EP400: variants seen among roughly 807,000 people sequenced by gnomAD.
The protein encoded by EP400 is E1A binding protein p400.
A neutral mutation model predicts 354.1 loss-of-function variants in EP400; 105 were observed. That is an observed-to-expected ratio of 0.30 (90% CI 0.25 to 0.35). The LOEUF (loss-of-function observed/expected upper bound fraction) is 0.35, where lower values mean the gene tolerates loss of function less well. Among genes scored for constraint, EP400 ranks in the 10% least tolerant of loss-of-function variants. The probability of loss-of-function intolerance (pLI) is 1.00; values close to 1 mark genes in which losing one functional copy is unlikely to be tolerated. For synonymous variants in EP400, 1,646 were observed against 1,716.9 expected (o/e 0.96, Z 1.02); for missense variants, 3,280 against 4,121.0 (o/e 0.80, Z 5.59).
In EP400 at chr12:132,020,037, A is replaced by G; in HGVS notation, c.4278-12A>G. Reference sequence around the variant, plus strand: ...GCTCTGTATCTTCTTGCCTGGACCAATGGGCATCTAGGTTGTTTCAGCCTG... The same window carrying G: ...GCTCTGTATCTTCTTGCCTGGACCAGTGGGCATCTAGGTTGTTTCAGCCTG... On this transcript the variant is annotated splice_polypyrimidine_tract_variant and intron_variant, in intron 21 of 52. Coordinates refer to ENST00000389561, the MANE Select transcript of EP400 (RefSeq NM_015409.5). 6.6e-7 allele frequency: 1 copy of G among 1,517,828 alleles called. No individual in the cohort carries two copies. Among genetic ancestry groups the G allele is most frequent in the Non-Finnish European group, 8.8e-7 (1 of 1,130,174 alleles). 94.0% of individuals were successfully genotyped at this position (1,517,828 alleles called of 1,614,324 possible).
rs763171940 is a variant in EP400, at chr12:132,075,368, C to A, written c.9022-1148C>A. On this transcript the variant is annotated intron_variant, in intron 51 of 52. Coordinates refer to ENST00000389561, the MANE Select transcript of EP400 (RefSeq NM_015409.5). This position sits in a 1 kb window ranked among gnomAD's most constrained non-coding sequence, Gnocchi z 4.5. ...TTTCTGCTCCGTGACTCGTGATGCC[C>A]GCCTGTGCTTAGGTTTGGAGACTGG... Among the ~76,000 whole-genome samples the A allele has an allele frequency of 6.6e-6, 1 of 152,154 alleles. No individual in the cohort carries two copies. Among genetic ancestry groups the A allele is most frequent in the East Asian group, 1.9e-4 (1 of 5,184 alleles).
At position 132,050,576 on chromosome 12, in the gene EP400, C is replaced by A; in HGVS notation, c.7338-23C>A. 2 of 1,614,026 alleles carry A rather than the reference C, an allele frequency of 1.2e-6. No homozygotes were observed. Among genetic ancestry groups the A allele is most frequent in the Non-Finnish European group, 1.7e-6 (2 of 1,179,918 alleles). ...AGATATTTCCTTTATTTAATAATTG[C>A]TGTCTCACTGTCTATACTTCAGGCT... On this transcript the variant is annotated intron_variant, in intron 40 of 52. Coordinates refer to ENST00000389561, the MANE Select transcript of EP400 (RefSeq NM_015409.5). This position sits in a 1 kb window ranked among gnomAD's most constrained non-coding sequence, Gnocchi z 4.8.
chr12:131,960,200 C>T (rs942775607), intron 1 of EP400, among the ~76,000 whole-genome samples: 16 of 152,224 alleles, frequency 1.1e-4, no homozygotes, highest in African/African-American at 3.6e-4. Context: ...GAACAGCTCA[C>T]AGATACTCCT....
Position 132,027,221 on chromosome 12 carries a change from G to C in EP400, c.5015-216G>C, listed in dbSNP as rs901284204. On this transcript the variant is annotated intron_variant, in intron 25 of 52. Coordinates refer to ENST00000389561, the MANE Select transcript of EP400 (RefSeq NM_015409.5). The surrounding 1 kb of genome is among the most constrained non-coding windows in gnomAD (Gnocchi z 4.9). ...AGCTCCAGTCATGGCCTGCGAGCCA[G>C]CATGCTTCCGTGGCAGGTCTAAAGC... Among the ~76,000 whole-genome samples, 6 of 152,248 alleles carry C rather than the reference G, an allele frequency of 3.9e-5. No homozygotes were observed. Among genetic ancestry groups the C allele is most frequent in the Admixed American group, 3.9e-4 (6 of 15,288 alleles).
intron 30 of EP400, among the ~76,000 whole-genome samples, chr12:132,034,571 C>T (rs950372790): frequency 6.6e-6 from 1 of 152,192 alleles, no homozygotes; most frequent in Admixed American, 6.5e-5. Context: ...GAGTGTGCCC[C>T]ACTATGAGCC....
chr12:132,007,167 G>A (rs1893611553), intron 15 of EP400, among the ~76,000 whole-genome samples: 3 of 152,242 alleles, frequency 2.0e-5, no homozygotes, highest in Non-Finnish European at 4.4e-5. Flanking sequence ...TGTGTGGGCA[G>A]CAGAGCAGGT....
rs141521171 is a variant in EP400 at position 132,045,994 on chromosome 12, T to G, written c.7200+94T>G. Reference sequence around the variant, plus strand: ...AGCTCCAGTCCTGCTCTTCACTGACTGGGCTCCTTCATCCCTGTGGGTCTG... The same window carrying G: ...AGCTCCAGTCCTGCTCTTCACTGACGGGGCTCCTTCATCCCTGTGGGTCTG... On this transcript the variant is annotated intron_variant, in intron 39 of 52. Coordinates refer to ENST00000389561, the MANE Select transcript of EP400 (RefSeq NM_015409.5). The G allele has an allele frequency of 1.2e-3, 1,794 of 1,464,522 alleles. 24 individuals carry two copies. In the East Asian group the frequency reaches 0.038, roughly 31 times the overall value. 90.7% of individuals were successfully genotyped at this position (1,464,522 alleles called of 1,614,324 possible). A position where few individuals can be genotyped will look rare whatever the true frequency, so the allele number is the denominator to read the frequency against.
In EP400 at chr12:132,076,590, G is replaced by T. The variant is rs1896246310; in HGVS notation, c.9096G>T (p.Gln3032His). 3.1e-6 allele frequency: 5 copies of T among 1,611,810 alleles called. No homozygotes were observed. The highest frequency in any genetic ancestry group is 2.5e-6 in the Non-Finnish European group (3 of 1,178,222). Residue 3032 changes from glutamine (Q) to histidine (H), a missense_variant, in exon 52 of 53, where the codon CAG becomes CAT. Physicochemically the swap from Gln to His is conservative, Grantham distance 24. This residue lies in a region of EP400 where 279 missense variants were observed against 386.7 expected (regional missense o/e 0.72). Transcript: ENST00000389561. ...ASIQQVASAS[Q>H]QASPQTVALT... ...TCCAGCAAGTTGCCTCTGCTTCCCA[G>T]CAGGTAGGACGCATAGACAAAGTGG...
intron 52 of EP400, 123 bp downstream of exon 52, chr12:132,076,716 T>A: frequency 2.3e-6 from 2 of 879,876 alleles, no homozygotes; most frequent in East Asian, 5.2e-5. Context: ...AACATTAACT[T>A]CAGGGGAAAA....
At chr12:132,019,982 T>G in intron 21 of EP400, 67 bp from the exon 22 acceptor site, 32 of 1,430,596 alleles carry the variant, frequency 2.2e-5, no homozygotes, top group Non-Finnish European at 2.9e-5. Flanking sequence ...CCCGGCTCCA[T>G]GAGGTGGCCT....
chr12:132,020,104 C>T lies in EP400; in HGVS notation c.4333C>T (p.Pro1445Ser). The T allele has an allele frequency of 9.3e-6, 15 of 1,609,036 alleles. No individual in the cohort carries two copies. Among genetic ancestry groups the T allele is most frequent in the African/African-American group, 1.3e-5 (1 of 74,888 alleles). ...GCCCGAGGGTCGCACCGTGGCTTTCCCCAGCACTCACCCGCCCCGGACGGC... is the reference window on the plus strand; with the variant it reads ...GCCCGAGGGTCGCACCGTGGCTTTCTCCAGCACTCACCCGCCCCGGACGGC... Reference protein sequence around the residue: ...QKPEGRTVAFPSTHPPRTAAP... With the variant: ...QKPEGRTVAFSSTHPPRTAAP... The change falls in exon 22 of 53, where the codon CCC becomes TCC. Residue 1445 changes from proline to serine, a missense_variant. This residue lies in a region of EP400 where 342 missense variants were observed against 342.7 expected (regional missense o/e 1.00). Coordinates refer to ENST00000389561, the MANE Select transcript of EP400 (RefSeq NM_015409.5).
chr12:131,978,717 T>TG (rs1271805027), intron 2 of EP400, among the ~76,000 whole-genome samples: 1 of 152,154 alleles, frequency 6.6e-6, no homozygotes, highest in Non-Finnish European at 1.5e-5. Flanking sequence ...CTTGCTGTGT[T>TG]GCCCAGGCTG....
Position 132,067,041 on chromosome 12 carries a change from C to A in EP400, c.8749+72C>A. The A allele has an allele frequency of 6.9e-7, 1 of 1,446,594 alleles. No homozygotes were observed. The highest frequency in any genetic ancestry group is 1.4e-5 in the South Asian group (1 of 69,156). 89.6% of individuals were successfully genotyped at this position (1,446,594 alleles called of 1,614,324 possible). ...CACAGGCCTCTCTGGTGGCAGTGGT[C>A]GCCAGCGACCCGTGTTCTTTCCTCA... On this transcript the variant is annotated intron_variant, in intron 49 of 52. Transcript: ENST00000389561. This position sits in a 1 kb window ranked among gnomAD's most constrained non-coding sequence, Gnocchi z 5.3.
chr12:131,958,632 G>A (rs1273949543), intron 1 of EP400, among the ~76,000 whole-genome samples: 1 of 151,988 alleles, frequency 6.6e-6, no homozygotes, highest in African/African-American at 2.4e-5. Flanking sequence ...GGTCTCCTTT[G>A]GCCTCCTGAG....
In EP400 at chr12:132,064,748, G is replaced by A. The variant is rs77075957; in HGVS notation, c.8415G>A (p.Pro2805=). 0.01 allele frequency: 16,144 copies of A among 1,613,608 alleles called. 100 individuals carry two copies. The highest frequency in any genetic ancestry group is 0.012 in the Non-Finnish European group (14,423 of 1,179,928). ...CGCCACAGGCCCAGTCTGCGCCCCC[G>A]CAGCCAACAGCCCAAGTGCAAGTGC... The part of the protein sequence containing the change: ...PPPPQAQSAP[P]QPTAQVQVQT... The change falls in exon 48 of 53, where the codon CCG becomes CCA. Residue 2805 remains proline (P), a synonymous_variant. Transcript: ENST00000389561.
intron 51 of EP400, among the ~76,000 whole-genome samples, chr12:132,071,594 C>T (rs943655942): frequency 6.6e-6 from 1 of 152,226 alleles, no homozygotes; most frequent in African/African-American, 2.4e-5. Flanking sequence ...TCCTCCTCCG[C>T]ACCCTTCCCT....
chr12:131,953,652 T>C (rs1238393053), intron 1 of EP400, among the ~76,000 whole-genome samples: 3 of 152,276 alleles, frequency 2.0e-5, no homozygotes, highest in African/African-American at 7.2e-5. Context: ...ATGGTACTTC[T>C]GTAATGTGCC....
At chr12:132,003,385 A>C (rs935748660) in intron 12 of EP400, among the ~76,000 whole-genome samples, 2 of 152,182 alleles carry the variant, frequency 1.3e-5, no homozygotes, top group African/African-American at 4.8e-5. Flanking sequence ...GTTACGTGCA[A>C]ATATACATTA....
At chr12:132,011,724 A>C in intron 16 of EP400, 90 bp downstream of exon 16, 2 of 1,397,668 alleles carry the variant, frequency 1.4e-6, no homozygotes, top group Non-Finnish European at 1.9e-6. Flanking sequence ...AGACATGCTT[A>C]TTCATGGAAT....
Sources: allele counts gnomAD v4.1 joint callset (sites outside exome capture counted in the v4.1 genomes callset), GRCh38; gene constraint gnomAD v4.1.1; regional missense constraint gnomAD v4.1.1; non-coding constraint Gnocchi (gnomAD v3.1); transcripts MANE v1.5; gene names NCBI Gene and HGNC (gene_info 2026-07-23, HGNC 2026-07-21).